TAAR1: variants seen among roughly 807,000 people sequenced by gnomAD.
The protein encoded by TAAR1 is trace amine associated receptor 1.
A neutral mutation model predicts 1.2 loss-of-function variants in TAAR1; 1 was observed. The observed-to-expected ratio is 0.81, with a 90% CI of 0.29 to 3.86. TAAR1 has a LOEUF of 3.86. Ranked by LOEUF, TAAR1 falls within the 30% of genes most tolerant of loss-of-function variation. TAAR1 has a pLI of 0.18. For synonymous variants in TAAR1, 153 were observed against 132.2 expected, an observed-to-expected ratio of 1.16 and a Z score of -1.08; for missense variants, 445 against 405.6, an observed-to-expected ratio of 1.10 and a Z score of -0.83.
rs922739815 is a variant in TAAR1, at chr6:132,644,800, C to T, written c.*184G>A. ...ATTATGTGTGGTAAGAATGGAAAAGCGTATACCTACTATGTCCCAAATAGG... is the reference window on the plus strand; with the variant it reads ...ATTATGTGTGGTAAGAATGGAAAAGTGTATACCTACTATGTCCCAAATAGG... On this transcript the variant is annotated 3_prime_UTR_variant, in exon 2 of 2. Transcript: ENST00000275216. 5.9e-5 allele frequency among the ~76,000 whole-genome samples: 9 copies of T among 152,008 alleles called. No homozygotes were observed. The South Asian group carries it at 8.3e-4, about 14-fold the overall frequency.
intron 1 of TAAR1, among the ~76,000 whole-genome samples, chr6:132,651,399 C>T (rs1159908886): frequency 6.6e-6 from 1 of 152,206 alleles, no homozygotes; most frequent in African/African-American, 2.4e-5. Flanking sequence ...GATATCACCA[C>T]TTAACTTGTC....
At position 132,645,143 on chromosome 6, in the gene TAAR1, A is replaced by G. The variant is rs771523077; in HGVS notation, c.861T>C (p.Asp287=). Reference sequence around the variant, plus strand: ...TCAAGTAGCCAAACCAAATCAATACATCATTCAAAGTAGGTGGAATAATGT... The same window carrying G: ...TCAAGTAGCCAAACCAAATCAATACGTCATTCAAAGTAGGTGGAATAATGT... ...LHYIIPPTLN[D]VLIWFGYLNS... The change falls in exon 2 of 2, where the codon GAT becomes GAC. Residue 287 remains aspartate (D), a synonymous_variant. Transcript: ENST00000275216. 3.5e-5 allele frequency: 57 copies of G among 1,612,996 alleles called. No homozygotes were observed. The East Asian group carries it at 1.2e-3, about 33-fold the overall frequency.
chr6:132,655,375 TC>T (rs1228513899), intron 1 of TAAR1, among the ~76,000 whole-genome samples: 29 of 102,268 alleles, frequency 2.8e-4, no homozygotes, highest in African/African-American at 7.7e-4. Flanking sequence ...ATTCATTCAT[TC>T]TTTTTTTTTT....
At position 132,645,141 on chromosome 6, in the gene TAAR1, A is replaced by G. The variant is rs1400378465; in HGVS notation, c.863T>C (p.Val288Ala). Residue 288 changes from valine (V) to alanine (A), a missense_variant, in exon 2 of 2, where the codon GTA becomes GCA. Val to Ala is a moderately conservative substitution (Grantham distance 64). Coordinates refer to ENST00000275216, the MANE Select transcript of TAAR1 (RefSeq NM_138327.4). ...HYIIPPTLND[V>A]LIWFGYLNST... ...GTTCAAGTAGCCAAACCAAATCAAT[A>G]CATCATTCAAAGTAGGTGGAATAAT... The G allele has an allele frequency of 3.7e-6, 6 of 1,612,988 alleles. No individual in the cohort carries two copies. The highest frequency in any genetic ancestry group is 3.4e-6 in the Non-Finnish European group (4 of 1,179,570).
chr6:132,645,209 G>T lies in TAAR1; in HGVS notation c.795C>A (p.Cys265Ter). ...IVMGVFLICWCPFFICTVMDP... is the reference protein window; with the variant it reads ...IVMGVFLICW ...CCATGACTGTACAGATAAAGAAAGG[G>T]CACCAGCATATTAGGAAAACTCCCA... The change falls in exon 2 of 2, where the codon TGC (cysteine) becomes TGA (stop). Residue 265 changes from cysteine to a stop codon, truncating the protein, a stop_gained. Coordinates refer to ENST00000275216, the MANE Select transcript of TAAR1 (RefSeq NM_138327.4). LOFTEE classifies it high-confidence loss of function. 4 of 1,613,366 alleles carry T rather than the reference G, an allele frequency of 2.5e-6. No homozygotes were observed. Among genetic ancestry groups the T allele is most frequent in the Non-Finnish European group, 3.4e-6 (4 of 1,179,698 alleles).
In TAAR1 at chr6:132,644,027, T is replaced by C; in HGVS notation, c.*957A>G. Among the ~76,000 whole-genome samples the C allele has an allele frequency of 6.6e-6, 1 of 151,966 alleles. No individual in the cohort carries two copies. Among genetic ancestry groups the C allele is most frequent in the East Asian group, 1.9e-4 (1 of 5,190 alleles). ...TCATGCCAGATATGACCTTAAGACATGGTAAAATCCTTCTAGACATTTTCA... is the reference window on the plus strand; with the variant it reads ...TCATGCCAGATATGACCTTAAGACACGGTAAAATCCTTCTAGACATTTTCA... On this transcript the variant is annotated 3_prime_UTR_variant, in exon 2 of 2. Coordinates refer to ENST00000275216, the MANE Select transcript of TAAR1 (RefSeq NM_138327.4).
chr6:132,647,583 GGAAA>G (rs1327029007), intron 1 of TAAR1, among the ~76,000 whole-genome samples: 16 of 123,956 alleles, frequency 1.3e-4, no homozygotes, highest in African/African-American at 1.8e-4. Context: ...GAAGGAGAAA[GGAAA>G]GAAAGAAAGA....
chr6:132,650,933 G>A (rs1777742200), intron 1 of TAAR1, among the ~76,000 whole-genome samples: 1 of 152,016 alleles, frequency 6.6e-6, no homozygotes, highest in African/African-American at 2.4e-5. Context: ...TATCAGAAAG[G>A]AACCCTTTGA....
chr6:132,654,824 G>A (rs748638026), intron 1 of TAAR1, among the ~76,000 whole-genome samples: 2 of 152,110 alleles, frequency 1.3e-5, no homozygotes, highest in Admixed American at 6.5e-5. Flanking sequence ...CACAAATTAA[G>A]CATCGAATTC....
At chr6:132,658,870 T>G (rs1018914202) in intron 1 of TAAR1, among the ~76,000 whole-genome samples, 1 of 152,224 alleles carries the variant, frequency 6.6e-6, no homozygotes, top group African/African-American at 2.4e-5. Context: ...CAACACTTTT[T>G]AAAAGACATG....
Position 132,645,651 on chromosome 6 carries a change from G to C in TAAR1, c.353C>G (p.Ser118Cys), listed in dbSNP as rs1490355071. 6.2e-7 allele frequency: 1 copy of C among 1,613,556 alleles called. No individual in the cohort carries two copies. Among genetic ancestry groups the C allele is most frequent in the Non-Finnish European group, 8.5e-7 (1 of 1,179,774 alleles). Residue 118 changes from serine to cysteine, a missense_variant, in exon 2 of 2, where the codon TCC becomes TGC. Physicochemically the swap from Ser to Cys is moderately radical, Grantham distance 112. Coordinates refer to ENST00000275216, the MANE Select transcript of TAAR1 (RefSeq NM_138327.4). Reference protein sequence around the residue: ...SASIFHLSFISIDRYYAVCDP... With the variant: ...SASIFHLSFICIDRYYAVCDP... Reference sequence around the variant, plus strand: ...ACACACAGCATAGTAGCGGTCAATGGAGATGAAAGACAAATGGAAAATGGA... The same window carrying C: ...ACACACAGCATAGTAGCGGTCAATGCAGATGAAAGACAAATGGAAAATGGA...
At chr6:132,651,717 C>A (rs1351304988) in intron 1 of TAAR1, among the ~76,000 whole-genome samples, 2 of 152,120 alleles carry the variant, frequency 1.3e-5, no homozygotes, top group African/African-American at 4.8e-5. Flanking sequence ...TCCTGTCTCT[C>A]CACAGAAAGT....
chr6:132,646,949 A>G (rs900545613), intron 1 of TAAR1, among the ~76,000 whole-genome samples: 5 of 152,146 alleles, frequency 3.3e-5, no homozygotes, highest in Admixed American at 6.6e-5. Context: ...TTTTCATATA[A>G]GAATTTATGA....
At chr6:132,657,108 T>G (rs1318972808) in intron 1 of TAAR1, among the ~76,000 whole-genome samples, 1 of 152,092 alleles carries the variant, frequency 6.6e-6, no homozygotes, top group Non-Finnish European at 1.5e-5. Context: ...CAAATAAATT[T>G]CAAGGAAACA....
chr6:132,645,407 A>G lies in TAAR1; in HGVS notation c.597T>C (p.Phe199=). The G allele has an allele frequency of 6.2e-7, 1 of 1,613,688 alleles. No homozygotes were observed. Among genetic ancestry groups the G allele is most frequent in the Non-Finnish European group, 8.5e-7 (1 of 1,179,788 alleles). ...ISGVLTFMTS[F]YIPGSIMLCV... ...ATAACATAATAGATCCAGGTATATA[A>G]AAAGAAGTCATAAAGGTCAGTACCC... is the stretch of plus-strand genomic sequence containing the variant. The change falls in exon 2 of 2, where the codon TTT becomes TTC. Residue 199 remains phenylalanine, a synonymous_variant. Transcript: ENST00000275216.
chr6:132,653,129 C>T (rs937765633), intron 1 of TAAR1, among the ~76,000 whole-genome samples: 2 of 152,080 alleles, frequency 1.3e-5, no homozygotes, highest in African/African-American at 2.4e-5. Context: ...ACCTGAGCTC[C>T]AAAGCAGATT....
intron 1 of TAAR1, among the ~76,000 whole-genome samples, chr6:132,654,120 C>A (rs1307096523): frequency 2.6e-5 from 4 of 152,166 alleles, no homozygotes; most frequent in Non-Finnish European, 5.9e-5. Context: ...GTTCCCGAAC[C>A]AAGAAACCCT....
At chr6:132,652,106 A>T (rs1208366539) in intron 1 of TAAR1, among the ~76,000 whole-genome samples, 2 of 152,130 alleles carry the variant, frequency 1.3e-5, no homozygotes. Context: ...TGCTATTTTT[A>T]TAGACAAGGC....
In TAAR1 at chr6:132,644,554, T is replaced by C. The variant is rs1006916091; in HGVS notation, c.*430A>G. 3.3e-5 allele frequency among the ~76,000 whole-genome samples: 5 copies of C among 152,180 alleles called. No homozygotes were observed. Among genetic ancestry groups the C allele is most frequent in the African/African-American group, 1.2e-4 (5 of 41,546 alleles). On this transcript the variant is annotated 3_prime_UTR_variant, in exon 2 of 2. Transcript: ENST00000275216. Reference sequence around the variant, plus strand: ...ATTTAGCGGTAACATTTAATGTGTGTACTTTTAGTTGATTTTACTAAAAGA... The same window carrying C: ...ATTTAGCGGTAACATTTAATGTGTGCACTTTTAGTTGATTTTACTAAAAGA...
Sources: gnomAD v4.1 joint callset for allele counts (sites outside exome capture counted in the v4.1 genomes callset) on GRCh38, gnomAD v4.1.1 for gene constraint, MANE v1.5 for transcripts, NCBI Gene and HGNC (gene_info 2026-07-23, HGNC 2026-07-21) for gene names.